The following CENPP variants were observed in gnomAD, a reference collection of about 807,000 sequenced individuals.
CENPP encodes centromere protein P.
A neutral mutation model predicts 35.6 loss-of-function variants in CENPP; 24 were observed. That is an observed-to-expected ratio of 0.67 (90% CI 0.49 to 0.95). The LOEUF (loss-of-function observed/expected upper bound fraction) is 0.95, where lower values mean the gene tolerates loss of function less well. Ranked by LOEUF, CENPP falls within the 40% of genes least tolerant of loss-of-function variation. The pLI, the probability that CENPP is intolerant of heterozygous loss-of-function variation, is 0.00. For missense variants in CENPP, 332 were observed against 345.3 expected, an observed-to-expected ratio of 0.96 and a Z score of 0.31; for synonymous variants, 120 against 125.5, an observed-to-expected ratio of 0.96 and a Z score of 0.29.
intron 5 of CENPP, among the ~76,000 whole-genome samples, chr9:92,575,099 G>A (rs1471897883): frequency 6.6e-6 from 1 of 152,106 alleles, no homozygotes; most frequent in Non-Finnish European, 1.5e-5. Flanking sequence ...AAACCTAAAA[G>A]TATAATAGTC....
intron 4 of CENPP, among the ~76,000 whole-genome samples, chr9:92,354,424 A>G (rs545402211): frequency 6.6e-6 from 1 of 152,326 alleles, no homozygotes; most frequent in East Asian, 1.9e-4. Context: ...CCCTGCCACC[A>G]TGGCCACTTT....
chr9:92,517,184 G>A (rs1169397769), intron 5 of CENPP: 1 of 158,310 alleles, frequency 6.3e-6, no homozygotes, highest in African/African-American at 2.4e-5. Context: ...ATTTTCCTGG[G>A]ATTATCCAAG....
intron 3 of CENPP, chr9:92,341,459 C>T (rs1320297334): frequency 1.3e-5 from 2 of 152,190 alleles, no homozygotes; most frequent in Admixed American, 1.3e-4. Flanking sequence ...TGTGATGTCT[C>T]CCCTGGACGC....
At chr9:92,514,124 C>CTT (rs34816093) in intron 5 of CENPP, among the ~76,000 whole-genome samples, 9 of 136,282 alleles carry the variant, frequency 6.6e-5, no homozygotes, top group East Asian at 2.2e-4. Flanking sequence ...GAATCGTTCA[C>CTT]TTTTTTTTTT....
chr9:92,340,271 T>A (rs1436783493), intron 3 of CENPP: 6 of 152,318 alleles, frequency 3.9e-5, no homozygotes. Flanking sequence ...GACATTGAGG[T>A]GAATGAGCTT....
Position 92,613,122 on chromosome 9 carries a change from AT to A in CENPP, c.841del (p.Ser281ArgfsTer31). The A allele has an allele frequency of 5.6e-6, 9 of 1,614,230 alleles. No homozygotes were observed. Among genetic ancestry groups the A allele is most frequent in the Non-Finnish European group, 7.6e-6 (9 of 1,180,046 alleles). On this transcript the variant is annotated frameshift_variant, in exon 8 of 8. Transcript: ENST00000375587. LOFTEE classifies it low-confidence loss of function (END_TRUNC). ...IEAALESLIK[S>X]LCAEENN ...AAGCTGCTCTGGAAAGCCTGATAAA[AT>A]CGCTTTGTGCAGAGGAGAACAACTA...
chr9:92,368,036 A>G (rs1324968054), intron 4 of CENPP, among the ~76,000 whole-genome samples: 1 of 152,158 alleles, frequency 6.6e-6, no homozygotes, highest in Non-Finnish European at 1.5e-5. Flanking sequence ...CACTGCATAC[A>G]TTATTTTTTC....
At chr9:92,452,389 G>A (rs939554781) in intron 5 of CENPP, among the ~76,000 whole-genome samples, 1 of 152,128 alleles carries the variant, frequency 6.6e-6, no homozygotes, top group African/African-American at 2.4e-5. Context: ...GTGTTTATAT[G>A]CTGGATTACA....
At chr9:92,496,576 T>G in intron 5 of CENPP, 1 of 1,502,844 alleles carries the variant, frequency 6.7e-7, no homozygotes, top group South Asian at 1.3e-5. Flanking sequence ...AATTTTGTTC[T>G]TAAAATAAAG....
At chr9:92,581,984 T>A (rs1166897407) in intron 5 of CENPP, among the ~76,000 whole-genome samples, 1 of 152,164 alleles carries the variant, frequency 6.6e-6, no homozygotes, top group Non-Finnish European at 1.5e-5. Flanking sequence ...TTAACAAAAA[T>A]AAGGTATGTG....
At chr9:92,437,933 G>C (rs184368523) in intron 5 of CENPP, among the ~76,000 whole-genome samples, 1 of 151,352 alleles carries the variant, frequency 6.6e-6, no homozygotes, top group African/African-American at 2.4e-5. Flanking sequence ...TCAGCATCTC[G>C]AGTAGCTGAG....
In CENPP at chr9:92,407,378, G is replaced by A. The variant is rs1413831517; in HGVS notation, c.564+27519G>A. On this transcript the variant is annotated intron_variant, in intron 5 of 7. Transcript: ENST00000375587. The stretch of plus-strand genomic sequence containing the variant: ...AAACACTCCTATCAGAAATAACATA[G>A]ATCACCTCTCAGAAGCCAAGGCAAA... 3.9e-5 allele frequency among the ~76,000 whole-genome samples: 6 copies of A among 152,212 alleles called. No homozygotes were observed. In the South Asian group the frequency reaches 1.0e-3, roughly 26 times the overall value.
chr9:92,461,382 T>C (rs564457198), intron 5 of CENPP, among the ~76,000 whole-genome samples: 1 of 152,260 alleles, frequency 6.6e-6, no homozygotes, highest in Non-Finnish European at 1.5e-5. Flanking sequence ...TTACAGTTGA[T>C]TTGTTCAAGT....
At chr9:92,574,387 T>C (rs893390281) in intron 5 of CENPP, among the ~76,000 whole-genome samples, 3 of 152,058 alleles carry the variant, frequency 2.0e-5, no homozygotes, top group African/African-American at 7.2e-5. Flanking sequence ...CACACTAAAA[T>C]TGGTTAGAAA....
At chr9:92,483,146 A>G (rs145372239) in intron 5 of CENPP, among the ~76,000 whole-genome samples, 63 of 152,262 alleles carry the variant, frequency 4.1e-4, no homozygotes, top group African/African-American at 1.5e-3. Context: ...CCTGAAAATA[A>G]ATCATTATTT....
chr9:92,362,828 C>T (rs866419643), intron 4 of CENPP, among the ~76,000 whole-genome samples: 1 of 152,202 alleles, frequency 6.6e-6, no homozygotes, highest in African/African-American at 2.4e-5. Context: ...GATCACCATT[C>T]TCTATGTATG....
chr9:92,613,111 A>G lies in CENPP; in HGVS notation c.829A>G (p.Ser277Gly), dbSNP rs763461306. 6.2e-7 allele frequency: 1 copy of G among 1,614,232 alleles called. No individual in the cohort carries two copies. The highest frequency in any genetic ancestry group is 8.5e-7 in the Non-Finnish European group (1 of 1,180,032). The change falls in exon 8 of 8, where the codon AGC becomes GGC. Residue 277 changes from serine to glycine, a missense_variant. Physicochemically the swap from Ser to Gly is moderately conservative, Grantham distance 56 (BLOSUM62 0). Transcript: ENST00000375587. ...GCTTGGAATCGAAGCTGCTCTGGAA[A>G]GCCTGATAAAATCGCTTTGTGCAGA... is the stretch of plus-strand genomic sequence containing the variant. ...GLLGIEAALE[S>G]LIKSLCAEEN...
chr9:92,464,687 A>G (rs950965476), intron 5 of CENPP: 1 of 649,324 alleles, frequency 1.5e-6, no homozygotes, highest in African/African-American at 1.8e-5. Context: ...CTAAAAGTTC[A>G]TTGCTTCTTA....
At chr9:92,474,904 T>G (rs757077133) in intron 5 of CENPP, 1 of 1,607,190 alleles carries the variant, frequency 6.2e-7, no homozygotes, top group Non-Finnish European at 8.5e-7. Context: ...TCATGGTGTC[T>G]TAGTGTAGAA....
Sources: allele counts gnomAD v4.1 joint callset (sites outside exome capture counted in the v4.1 genomes callset), GRCh38; gene constraint gnomAD v4.1.1; transcripts MANE v1.5; gene names NCBI Gene and HGNC (gene_info 2026-07-23, HGNC 2026-07-21).